The following FAM241B variants were observed in gnomAD, a reference collection of about 807,000 sequenced individuals.
The protein encoded by FAM241B is family with sequence similarity 241 member B, also known as protein FAM241B.
In FAM241B, 7 loss-of-function variants were observed where a neutral mutation model predicts 9.3. The ratio of observed to expected loss-of-function variants is 0.75; its 90% CI spans 0.43 to 1.41. FAM241B has a LOEUF of 1.41. FAM241B is among the 40% of genes most tolerant of loss of function. The pLI is 0.01. For synonymous variants in FAM241B, 60 were observed against 64.1 expected (o/e 0.94, Z 0.31); for missense variants, 136 against 159.6 (o/e 0.85, Z 0.80).
rs201072929 is a variant in FAM241B, at chr10:69,632,839, G to T, written c.146G>T (p.Arg49Leu). ...GCTCCCCCAGGGGGTCCTGGCCCCC[G>T]CCAGCAGCAGGCAGGTGCCAGGCTG... ...HGAPPGGPGPRQQQAGARLGA... is the reference protein window; with the variant it reads ...HGAPPGGPGPLQQQAGARLGA... Residue 49 changes from arginine (R) to leucine (L), a missense_variant, in exon 4 of 4, where the codon CGC (arginine) becomes CTC (leucine). Transcript: ENST00000373279. 1.2e-6 allele frequency: 2 copies of T among 1,612,946 alleles called. No individual in the cohort carries two copies. The highest frequency in any genetic ancestry group is 2.2e-5 in the East Asian group (1 of 44,794).
At chr10:69,631,050 A>AT (rs1039721524) in intron 1 of FAM241B, among the ~76,000 whole-genome samples, 8 of 152,110 alleles carry the variant, frequency 5.3e-5, no homozygotes, top group Non-Finnish European at 1.2e-4. Flanking sequence ...CACTCGACCC[A>AT]TTTTTTAGTG....
At chr10:69,632,515 C>G (rs1423326182) in intron 3 of FAM241B, among the ~76,000 whole-genome samples, 2 of 151,466 alleles carry the variant, frequency 1.3e-5, no homozygotes, top group Admixed American at 6.6e-5. Context: ...AAATGCTGGC[C>G]CTAGAGCCAT....
rs749984381 is a variant in FAM241B, at chr10:69,631,824, T to A, written c.81T>A (p.Gly27=). 5.0e-6 allele frequency: 8 copies of A among 1,610,898 alleles called. No homozygotes were observed. In the African/African-American group the frequency reaches 1.1e-4, roughly 22 times the overall value. The part of the protein sequence containing the change: ...RVRTTTQPPR[G]SIPRQSFFNR... ...GGACCACTACCCAGCCACCAAGAGG[T>A]AGCATTCCTCGACAGGTAGGTACTC... Residue 27 remains glycine, a synonymous_variant, in exon 3 of 4, where the codon GGT becomes GGA. Coordinates refer to ENST00000373279, the MANE Select transcript of FAM241B (RefSeq NM_145306.3).
chr10:69,631,739 G>T lies in FAM241B; in HGVS notation c.-5G>T. Reference sequence around the variant, plus strand: ...GCCCATCAGGGACCCACAGCGCCTGGGAGGATGGTGCGGATCTTGGCCAAT... The same window carrying T: ...GCCCATCAGGGACCCACAGCGCCTGTGAGGATGGTGCGGATCTTGGCCAAT... On this transcript the variant is annotated 5_prime_UTR_variant, in exon 3 of 4. Coordinates refer to ENST00000373279, the MANE Select transcript of FAM241B (RefSeq NM_145306.3). 6.2e-7 allele frequency: 1 copy of T among 1,612,446 alleles called. No homozygotes were observed. The highest frequency in any genetic ancestry group is 1.1e-5 in the South Asian group (1 of 90,216).
chr10:69,633,171 G>C lies in FAM241B; in HGVS notation c.*112G>C. 3 of 1,418,668 alleles carry C rather than the reference G, an allele frequency of 2.1e-6. No homozygotes were observed. Among genetic ancestry groups the C allele is most frequent in the Non-Finnish European group, 2.9e-6 (3 of 1,037,338 alleles). The allele number at this position is 1,418,668 out of a possible 1,614,324, so 87.9% of individuals were successfully genotyped here. ...GGTGCCTTGAAGGTATGATCAGAGA[G>C]GGGACCACAGGTGTGTGTTTCCCCT... On this transcript the variant is annotated 3_prime_UTR_variant, in exon 4 of 4. Coordinates refer to ENST00000373279, the MANE Select transcript of FAM241B (RefSeq NM_145306.3).
chr10:69,631,924 C>A lies in FAM241B; in HGVS notation c.96+85C>A. ...GCTTCCAGAAGTCTCTCTTGCTGGT[C>A]ACTAACCTTTTCTAGCCTGAAGCCC... On this transcript the variant is annotated intron_variant, in intron 3 of 3. Transcript: ENST00000373279. 2.6e-6 allele frequency: 4 copies of A among 1,526,988 alleles called. No individual in the cohort carries two copies. The South Asian group carries it at 3.6e-5, about 14-fold the overall frequency. 94.6% of individuals were successfully genotyped at this position (1,526,988 alleles called of 1,614,324 possible).
rs1469071727 is a variant in FAM241B, at chr10:69,633,223, A to T, written c.*164A>T. ...TGTGTTAAGCGTGAGGCAGAGGGAG[A>T]CGTTAGTCCAGCATTTCCAAAGTGT... On this transcript the variant is annotated 3_prime_UTR_variant, in exon 4 of 4. Transcript: ENST00000373279. 3 of 1,075,358 alleles carry T rather than the reference A, an allele frequency of 2.8e-6. No individual in the cohort carries two copies. Among genetic ancestry groups the T allele is most frequent in the African/African-American group, 3.2e-5 (2 of 63,094 alleles). 66.6% of individuals were successfully genotyped at this position (1,075,358 alleles called of 1,614,324 possible).
Position 69,631,823 on chromosome 10 carries a change from G to C in FAM241B, c.80G>C (p.Gly27Ala), listed in dbSNP as rs1839828398. The change falls in exon 3 of 4, where the codon GGT becomes GCT. Residue 27 changes from glycine to alanine, a missense_variant. Transcript: ENST00000373279. ...AGGACCACTACCCAGCCACCAAGAGGTAGCATTCCTCGACAGGTAGGTACT... is the reference window on the plus strand; with the variant it reads ...AGGACCACTACCCAGCCACCAAGAGCTAGCATTCCTCGACAGGTAGGTACT... ...RVRTTTQPPR[G>A]SIPRQSFFNR... The C allele has an allele frequency of 1.9e-6, 3 of 1,611,708 alleles. No homozygotes were observed. The highest frequency in any genetic ancestry group is 2.5e-6 in the Non-Finnish European group (3 of 1,179,346).
Position 69,633,359 on chromosome 10 carries a change from A to T in FAM241B, c.*300A>T, listed in dbSNP as rs1190626918. 2.3e-6 allele frequency: 1 copy of T among 436,986 alleles called. No homozygotes were observed. The highest frequency in any genetic ancestry group is 4.1e-6 in the Non-Finnish European group (1 of 241,028). 27.1% of individuals were successfully genotyped at this position (436,986 alleles called of 1,614,324 possible). ...CCTTCCCAATTCTCTCAATCCTTTT[A>T]TGCCGAGAAGATCTCAGCTGGATGC... On this transcript the variant is annotated 3_prime_UTR_variant, in exon 4 of 4. Transcript: ENST00000373279.
At chr10:69,630,532 C>A in intron 1 of FAM241B, 1 of 859,492 alleles carries the variant, frequency 1.2e-6, no homozygotes, top group Non-Finnish European at 1.5e-6. Context: ...GACCACCATC[C>A]GCTCGGCCTG....
Position 69,631,760 on chromosome 10 carries a change from C to T in FAM241B, c.17C>T (p.Ala6Val). ...CCTGGGAGGATGGTGCGGATCTTGGCCAATGGGGAAATCGTGCAGGATGAC... is the reference window on the plus strand; with the variant it reads ...CCTGGGAGGATGGTGCGGATCTTGGTCAATGGGGAAATCGTGCAGGATGAC... Reference protein sequence around the residue: MVRILANGEIVQDDDP... With the variant: MVRILVNGEIVQDDDP... The change falls in exon 3 of 4, where the codon GCC becomes GTC. Residue 6 changes from alanine (A) to valine (V), a missense_variant. Coordinates refer to ENST00000373279, the MANE Select transcript of FAM241B (RefSeq NM_145306.3). The T allele has an allele frequency of 5.6e-6, 9 of 1,613,254 alleles. No homozygotes were observed. Among genetic ancestry groups the T allele is most frequent in the Non-Finnish European group, 7.6e-6 (9 of 1,179,844 alleles).
chr10:69,631,682 C>T, intron 2 of FAM241B, 27 bp from the exon 3 acceptor site: 1 of 1,583,824 alleles, frequency 6.3e-7, no homozygotes, highest in Non-Finnish European at 8.6e-7. Context: ...CTTCCATTAG[C>T]CTGCCCACCC....
rs140890312 is a variant in FAM241B, at chr10:69,633,425, C to G, written c.*366C>G. On this transcript the variant is annotated 3_prime_UTR_variant, in exon 4 of 4. Coordinates refer to ENST00000373279, the MANE Select transcript of FAM241B (RefSeq NM_145306.3). ...CCTGTGGAAGACATGCCGACGTCTCCTCTGCCTAGGGAGCAGGACTTGGGC... is the reference window on the plus strand; with the variant it reads ...CCTGTGGAAGACATGCCGACGTCTCGTCTGCCTAGGGAGCAGGACTTGGGC... The G allele has an allele frequency of 3.5e-4, 101 of 287,260 alleles. No individual in the cohort carries two copies. The highest frequency in any genetic ancestry group is 2.1e-3 in the African/African-American group (95 of 46,260). 17.8% of individuals were successfully genotyped at this position (287,260 alleles called of 1,614,324 possible).
intron 3 of FAM241B, 105 bp from the exon 4 acceptor site, chr10:69,632,685 C>T: frequency 1.5e-6 from 2 of 1,317,578 alleles, no homozygotes; most frequent in Non-Finnish European, 2.1e-6. Context: ...GAGGGTGTGA[C>T]CCTGGGTGGC....
At position 69,630,590 on chromosome 10, in the gene FAM241B, C is replaced by T; in HGVS notation, c.-104+277C>T. On this transcript the variant is annotated intron_variant, in intron 1 of 3. Coordinates refer to ENST00000373279, the MANE Select transcript of FAM241B (RefSeq NM_145306.3). ...GAGGGGGACGCGCCTGTCCCGGGCTCCAGGCTACGGGCAAGACCACAGGGC... is the reference window on the plus strand; with the variant it reads ...GAGGGGGACGCGCCTGTCCCGGGCTTCAGGCTACGGGCAAGACCACAGGGC... 2.4e-6 allele frequency: 3 copies of T among 1,257,762 alleles called. No individual in the cohort carries two copies. In the South Asian group the frequency reaches 4.0e-5, roughly 17 times the overall value. 77.9% of individuals were successfully genotyped at this position (1,257,762 alleles called of 1,614,324 possible).
At chr10:69,632,681 G>T in intron 3 of FAM241B, 109 bp from the exon 4 acceptor site, 1 of 1,266,278 alleles carries the variant, frequency 7.9e-7, no homozygotes, top group Non-Finnish European at 1.1e-6. Context: ...AAAGGAGGGT[G>T]TGACCCTGGG....
intron 3 of FAM241B, 40 bp from the exon 4 acceptor site, chr10:69,632,750 C>T: frequency 1.3e-6 from 2 of 1,597,542 alleles, no homozygotes; most frequent in Non-Finnish European, 1.7e-6. Context: ...GGTGCGTCAA[C>T]CCAATGATTC....
intron 1 of FAM241B, chr10:69,630,786 C>A: frequency 1.4e-6 from 1 of 729,662 alleles, no homozygotes; most frequent in Non-Finnish European, 1.9e-6. Context: ...ACCGCAGCAA[C>A]CCCCTCCCAT....
chr10:69,632,743 G>A (rs768377454), intron 3 of FAM241B, 47 bp from the exon 4 acceptor site: 2 of 1,588,810 alleles, frequency 1.3e-6, no homozygotes, highest in African/African-American at 1.3e-5. Context: ...CCTGGCTGGT[G>A]CGTCAACCCA....
Sources: allele counts gnomAD v4.1 joint callset (sites outside exome capture counted in the v4.1 genomes callset), GRCh38; gene constraint gnomAD v4.1.1; transcripts MANE v1.5; gene names NCBI Gene and HGNC (gene_info 2026-07-23, HGNC 2026-07-21).